CSMD1: variants seen among roughly 807,000 people sequenced by gnomAD.
CSMD1 encodes CUB and Sushi multiple domains 1.
In CSMD1, 213 loss-of-function variants were observed where a neutral mutation model predicts 417.5. The ratio of observed to expected loss-of-function variants is 0.51; its 90% CI spans 0.46 to 0.57. CSMD1 has a LOEUF of 0.57. CSMD1 is among the 20% of genes least tolerant of loss of function. The pLI, the probability that CSMD1 is intolerant of heterozygous loss-of-function variation, is 0.00. For missense variants in CSMD1, 6,923 were observed against 4,529.7 expected (o/e 1.53, Z -15.17); for synonymous variants, 2,862 against 1,736.8 (o/e 1.65, Z -16.11).
At chr8:4,080,495 C>G (rs1235373579) in intron 3 of CSMD1, among the ~76,000 whole-genome samples, 3 of 152,188 alleles carry the variant, frequency 2.0e-5, no homozygotes, top group Non-Finnish European at 4.4e-5. Flanking sequence ...TTCCAAATTT[C>G]TTACTTGCAA....
At chr8:3,644,727 C>T (rs1173137772) in intron 7 of CSMD1, among the ~76,000 whole-genome samples, 1 of 151,964 alleles carries the variant, frequency 6.6e-6, no homozygotes, top group Non-Finnish European at 1.5e-5. Context: ...TGGGGCCTGT[C>T]AGGGGGGTGC....
At position 4,260,875 on chromosome 8, in the gene CSMD1, C is replaced by A. The variant is rs140060894; in HGVS notation, c.415+159078G>T. On this transcript the variant is annotated intron_variant, in intron 3 of 69. Coordinates refer to ENST00000635120, the MANE Select transcript of CSMD1 (RefSeq NM_033225.6). Reference sequence around the variant, plus strand: ...TTTTGTTAGAAAGACAAATCTTAATCTTTGTCGTGTTTGATATTATGATAG... The same window carrying A: ...TTTTGTTAGAAAGACAAATCTTAATATTTGTCGTGTTTGATATTATGATAG... 5.6e-3 allele frequency among the ~76,000 whole-genome samples: 860 copies of A among 152,252 alleles called. 3 individuals carry two copies. The highest frequency in any genetic ancestry group is 0.02 in the African/African-American group (813 of 41,542).
At chr8:3,950,915 C>A (rs1811556539) in intron 5 of CSMD1, among the ~76,000 whole-genome samples, 1 of 151,478 alleles carries the variant, frequency 6.6e-6, no homozygotes, top group Non-Finnish European at 1.5e-5. Flanking sequence ...TAAGGAAAAC[C>A]AATATTCATA....
chr8:3,903,991 A>C (rs1015066708), intron 5 of CSMD1, among the ~76,000 whole-genome samples: 3 of 151,924 alleles, frequency 2.0e-5, no homozygotes, highest in Admixed American at 1.3e-4. Context: ...TTTCTTGATT[A>C]ATGTCCTACC....
chr8:4,878,250 G>C (rs2116943775), intron 1 of CSMD1, among the ~76,000 whole-genome samples: 1 of 152,066 alleles, frequency 6.6e-6, no homozygotes, highest in East Asian at 1.9e-4. Flanking sequence ...GGGAAGGAAA[G>C]GAAAAAAGTA....
intron 1 of CSMD1, among the ~76,000 whole-genome samples, chr8:4,803,013 A>G (rs1798391049): frequency 1.3e-5 from 2 of 152,184 alleles, no homozygotes; most frequent in Admixed American, 6.5e-5. Flanking sequence ...AAGTCACCAG[A>G]TATCATTTGG....
intron 49 of CSMD1, among the ~76,000 whole-genome samples, chr8:3,072,298 G>C (rs6558713): frequency 0.57 from 87,237 of 152,008 alleles, 25,359 homozygotes; most frequent in Non-Finnish European, 0.59. Flanking sequence ...TGGAACCGAA[G>C]AATATATCAA....
chr8:3,491,213 T>A (rs1316307601), intron 11 of CSMD1, among the ~76,000 whole-genome samples: 4 of 152,112 alleles, frequency 2.6e-5, no homozygotes, highest in Non-Finnish European at 5.9e-5. Context: ...CCACAGGCGA[T>A]AAAGACTCAA....
intron 3 of CSMD1, among the ~76,000 whole-genome samples, chr8:4,346,078 T>A (rs955893276): frequency 1.3e-5 from 2 of 152,176 alleles, no homozygotes; most frequent in Non-Finnish European, 2.9e-5. Flanking sequence ...CATGTGTGAA[T>A]ACGAAAGTAC....
chr8:3,768,667 G>C (rs1449654995), intron 5 of CSMD1, among the ~76,000 whole-genome samples: 1 of 152,158 alleles, frequency 6.6e-6, no homozygotes, highest in Non-Finnish European at 1.5e-5. Flanking sequence ...GAACTTTTAA[G>C]TGTTGTGTTA....
intron 6 of CSMD1, among the ~76,000 whole-genome samples, chr8:3,733,369 T>C (rs1221487448): frequency 6.8e-6 from 1 of 147,916 alleles, no homozygotes; most frequent in African/African-American, 2.5e-5. Context: ...AATATATATA[T>C]AAAATATAAT....
chr8:2,976,637 C>T (rs746572949), intron 55 of CSMD1, among the ~76,000 whole-genome samples: 2 of 152,202 alleles, frequency 1.3e-5, no homozygotes, highest in Non-Finnish European at 2.9e-5. Flanking sequence ...GTGTGAGTCA[C>T]GGCACCTGGC....
chr8:3,760,179 T>A (rs1584955642), intron 5 of CSMD1, among the ~76,000 whole-genome samples: 1 of 152,106 alleles, frequency 6.6e-6, no homozygotes, highest in African/African-American at 2.4e-5. Flanking sequence ...TTCTGGAGCA[T>A]CTCAATCTAG....
intron 5 of CSMD1, among the ~76,000 whole-genome samples, chr8:3,792,878 G>A (rs1294544995): frequency 6.6e-6 from 1 of 152,142 alleles, no homozygotes; most frequent in Non-Finnish European, 1.5e-5. Flanking sequence ...CTACATACTT[G>A]CCTTGAGAAC....
At chr8:3,005,983 C>T (rs28827470) in intron 52 of CSMD1, among the ~76,000 whole-genome samples, 17,973 of 152,000 alleles carry the variant, frequency 0.12, 3,026 homozygotes, top group African/African-American at 0.37. Context: ...AGTCAAATTG[C>T]CCCTGTTGGC....
rs544178878 is a variant in CSMD1, at chr8:3,109,788, CCACA to C, written c.6608+366_6608+369del. 2.9e-3 allele frequency among the ~76,000 whole-genome samples: 438 copies of C among 151,318 alleles called. 2 individuals carry two copies. Among genetic ancestry groups the C allele is most frequent in the South Asian group, 7.1e-3 (34 of 4,770 alleles). Reference sequence around the variant, plus strand: ...AACATACACAACACACACACAGACACCACACACACAAACACACACGTAAGCCACA... The same window carrying C: ...AACATACACAACACACACACAGACACCACACAAACACACACGTAAGCCACA... On this transcript the variant is annotated intron_variant, in intron 43 of 69. Transcript: ENST00000635120.
At chr8:3,345,994 G>A (rs1807963971) in intron 22 of CSMD1, among the ~76,000 whole-genome samples, 2 of 152,082 alleles carry the variant, frequency 1.3e-5, no homozygotes, top group South Asian at 2.1e-4. Context: ...CAGGGGGTGC[G>A]TGTATATAAA....
At chr8:4,061,273 G>A (rs1163738914) in intron 3 of CSMD1, among the ~76,000 whole-genome samples, 4 of 152,154 alleles carry the variant, frequency 2.6e-5, no homozygotes, top group African/African-American at 4.8e-5. Flanking sequence ...ATGGAATATT[G>A]ACTTCACAGA....
chr8:4,447,957 A>T (rs1441627273), intron 2 of CSMD1, among the ~76,000 whole-genome samples: 3 of 152,216 alleles, frequency 2.0e-5, no homozygotes, highest in African/African-American at 7.2e-5. Flanking sequence ...TTAAAAGACA[A>T]TGCTAATAGT....
Sources: allele counts gnomAD v4.1 joint callset (sites outside exome capture counted in the v4.1 genomes callset), GRCh38; gene constraint gnomAD v4.1.1; transcripts MANE v1.5; gene names NCBI Gene and HGNC (gene_info 2026-07-23, HGNC 2026-07-21).